ASH2L: variants seen among roughly 807,000 people sequenced by gnomAD.
The protein encoded by ASH2L is ASH2 like, histone lysine methyltransferase complex subunit.
In ASH2L, 30 loss-of-function variants were observed where a neutral mutation model predicts 81.1. The ratio of observed to expected loss-of-function variants is 0.37; its 90% CI spans 0.28 to 0.50. The LOEUF (loss-of-function observed/expected upper bound fraction) is 0.50. Among genes scored for constraint, ASH2L ranks in the 20% least tolerant of loss-of-function variants. ASH2L has a pLI of 0.95. For missense variants in ASH2L, 559 were observed against 792.1 expected, an observed-to-expected ratio of 0.71 and a Z score of 3.53; for synonymous variants, 273 against 279.9, an observed-to-expected ratio of 0.98 and a Z score of 0.24.
At chr8:38,109,104 C>T (rs938911528) in intron 3 of ASH2L, among the ~76,000 whole-genome samples, 1 of 152,018 alleles carries the variant, frequency 6.6e-6, no homozygotes, top group Non-Finnish European at 1.5e-5. Flanking sequence ...AAATAAAGCC[C>T]AGTTAGGTGG....
chr8:38,131,191 C>T (rs1315624216), intron 12 of ASH2L, among the ~76,000 whole-genome samples: 1 of 152,078 alleles, frequency 6.6e-6, no homozygotes, highest in Non-Finnish European at 1.5e-5. Context: ...TTGATTATAT[C>T]ACACTAGTGA....
intron 3 of ASH2L, among the ~76,000 whole-genome samples, chr8:38,109,528 T>C (rs1810595153): frequency 1.3e-5 from 2 of 152,250 alleles, no homozygotes; most frequent in South Asian, 4.1e-4. Context: ...CCTGTGCTTT[T>C]CCTGTCATCT....
chr8:38,109,016 A>G (rs1365039655), intron 3 of ASH2L, among the ~76,000 whole-genome samples: 1 of 152,158 alleles, frequency 6.6e-6, no homozygotes, highest in African/African-American at 2.4e-5. Flanking sequence ...CTGCAGGTTG[A>G]GGCTGCAGTG....
chr8:38,110,176 G>T (rs1444686648), intron 3 of ASH2L, among the ~76,000 whole-genome samples: 1 of 152,182 alleles, frequency 6.6e-6, no homozygotes, highest in African/African-American at 2.4e-5. Context: ...TGGGCATGGT[G>T]GCTAATGCCT....
At chr8:38,124,298 C>G (rs1301287609) in intron 10 of ASH2L, 1 of 146,248 alleles carries the variant, frequency 6.8e-6, no homozygotes, top group Admixed American at 6.9e-5. Flanking sequence ...CTTCGACTTC[C>G]TGGCTCAAGC....
chr8:38,107,112 A>G lies in ASH2L; in HGVS notation c.347A>G (p.Gln116Arg). The G allele has an allele frequency of 6.2e-7, 1 of 1,614,144 alleles. No individual in the cohort carries two copies. The highest frequency in any genetic ancestry group is 2.2e-5 in the East Asian group (1 of 44,860). ...NGRQLGEVELQCGICTKWFTA... is the reference protein window; with the variant it reads ...NGRQLGEVELRCGICTKWFTA... ...CGACAGTTGGGTGAGGTAGAGCTGC[A>G]ATGTGGGATTTGTACAAAATGGTTC... Residue 116 changes from glutamine to arginine, a missense_variant, in exon 3 of 16, where the codon CAA (glutamine) becomes CGA (arginine). Coordinates refer to ENST00000343823, the MANE Select transcript of ASH2L (RefSeq NM_004674.5).
chr8:38,107,017 A>G lies in ASH2L; in HGVS notation c.256-4A>G. The G allele has an allele frequency of 1.9e-6, 3 of 1,613,972 alleles. 1 individual carries two copies. The South Asian group carries it at 3.3e-5, about 18-fold the overall frequency. On this transcript the variant is annotated splice_region_variant and splice_polypyrimidine_tract_variant and intron_variant, in intron 2 of 15. Transcript: ENST00000343823. ...GATTTGAGTCTCGAACTGCTCTGAC[A>G]CAGGAAGGTGCTGGGGATACATCAG... is the stretch of plus-strand genomic sequence containing the variant.
chr8:38,105,711 A>G lies in ASH2L; in HGVS notation c.161A>G (p.Glu54Gly). ...GEGISAAPTV[E>G]PSSGEAEGGE... ...GGGATCTCTGCTGCTCCGACAGTTG[A>G]GCCCAGTTCCGGGGAGGCTGAAGGC... is the stretch of plus-strand genomic sequence containing the variant. Residue 54 changes from glutamate to glycine, a missense_variant, in exon 1 of 16, where the codon GAG (glutamate) becomes GGG (glycine). Transcript: ENST00000343823. 1 of 1,545,098 alleles carries G rather than the reference A, an allele frequency of 6.5e-7. No individual in the cohort carries two copies. The highest frequency in any genetic ancestry group is 8.7e-7 in the Non-Finnish European group (1 of 1,148,026).
Position 38,133,601 on chromosome 8 carries a change from A to G in ASH2L, c.1620+55A>G. 9 of 1,337,078 alleles carry G rather than the reference A, an allele frequency of 6.7e-6. No individual in the cohort carries two copies. The South Asian group carries it at 1.2e-4, about 17-fold the overall frequency. 82.8% of individuals were successfully genotyped at this position (1,337,078 alleles called of 1,614,324 possible). ...CATAAGGCCTTGAGCGTTAGGACCC[A>G]TTCCTTCATTATAAAAGTGAGGAAC... On this transcript the variant is annotated intron_variant, in intron 13 of 15. Transcript: ENST00000343823.
chr8:38,132,277 T>C (rs553979936), intron 12 of ASH2L, among the ~76,000 whole-genome samples: 1 of 152,338 alleles, frequency 6.6e-6, no homozygotes, highest in African/African-American at 2.4e-5. Context: ...AGACTCTCGT[T>C]TTATATGCTT....
intron 8 of ASH2L, 34 bp from the exon 9 acceptor site, chr8:38,119,236 G>T: frequency 6.5e-7 from 1 of 1,536,486 alleles, no homozygotes; most frequent in South Asian, 1.2e-5. Context: ...TTTCCCTTGT[G>T]GCTCATTGAA....
Position 38,116,673 on chromosome 8 carries a change from T to C in ASH2L, c.801T>C (p.Ala267=). ...AGGACCTTAGTAACATTGGTCCTGC[T>C]TATGACAACCAAAAACAGAGCAGTG... is the stretch of plus-strand genomic sequence containing the variant. ...LDQDLSNIGP[A]YDNQKQSSAV... Residue 267 remains alanine, a synonymous_variant, in exon 8 of 16, where the codon GCT becomes GCC. Transcript: ENST00000343823. 6.2e-7 allele frequency: 1 copy of C among 1,613,216 alleles called. No homozygotes were observed.
At chr8:38,115,114 A>G (rs1175799738) in intron 7 of ASH2L, 114 bp downstream of exon 7, 4 of 693,268 alleles carry the variant, frequency 5.8e-6, no homozygotes, top group Non-Finnish European at 2.6e-6. Flanking sequence ...TTATATGCAC[A>G]TAGCATGGTG....
chr8:38,133,063 G>A (rs1014089922), intron 12 of ASH2L, among the ~76,000 whole-genome samples: 8 of 151,744 alleles, frequency 5.3e-5, no homozygotes, highest in Non-Finnish European at 1.0e-4. Flanking sequence ...CTCCAGCCTG[G>A]GCAACAAGAG....
Position 38,139,157 on chromosome 8 carries a change from C to A in ASH2L, c.*86C>A. ...TTTTGAACTGTCTCAAATGTTCTCCCAAAGATGCTAAAAACACAGCCTCTC... is the reference window on the plus strand; with the variant it reads ...TTTTGAACTGTCTCAAATGTTCTCCAAAAGATGCTAAAAACACAGCCTCTC... On this transcript the variant is annotated 3_prime_UTR_variant, in exon 16 of 16. Coordinates refer to ENST00000343823, the MANE Select transcript of ASH2L (RefSeq NM_004674.5). The A allele has an allele frequency of 9.3e-7, 1 of 1,080,478 alleles. No homozygotes were observed. The highest frequency in any genetic ancestry group is 1.3e-6 in the Non-Finnish European group (1 of 766,776). 66.9% of individuals were successfully genotyped at this position (1,080,478 alleles called of 1,614,324 possible).
intron 10 of ASH2L, among the ~76,000 whole-genome samples, chr8:38,123,670 G>A (rs1801720845): frequency 6.6e-6 from 1 of 152,148 alleles, no homozygotes; most frequent in Non-Finnish European, 1.5e-5. Flanking sequence ...AGTCAGAGCT[G>A]TACAGAACGG....
chr8:38,107,904 G>GTGTGTA (rs398047186), intron 3 of ASH2L, among the ~76,000 whole-genome samples: 2 of 139,926 alleles, frequency 1.4e-5, no homozygotes, highest in Non-Finnish European at 3.0e-5. Context: ...GTGTGTGTGT[G>GTGTGTA]TATATGTATA....
chr8:38,105,562 A>G lies in ASH2L; in HGVS notation c.12A>G (p.Ala4=), dbSNP rs1263727689. Residue 4 remains alanine, a synonymous_variant, in exon 1 of 16, where the codon GCA becomes GCG. Transcript: ENST00000343823. MAA[A]GAGPGQEAGA... Reference sequence around the variant, plus strand: ...CAGGGGTGGCCGTGATGGCGGCGGCAGGAGCAGGACCTGGCCAGGAAGCGG... The same window carrying G: ...CAGGGGTGGCCGTGATGGCGGCGGCGGGAGCAGGACCTGGCCAGGAAGCGG... The G allele has an allele frequency of 1.3e-6, 2 of 1,572,268 alleles. No individual in the cohort carries two copies. Among genetic ancestry groups the G allele is most frequent in the Non-Finnish European group, 1.7e-6 (2 of 1,157,772 alleles).
rs146282482 is a variant in ASH2L at position 38,105,590 on chromosome 8, G to A, written c.40G>A (p.Ala14Thr). ...AGAGPGQEAGAGPGPGAVANA... is the reference protein window; with the variant it reads ...AGAGPGQEAGTGPGPGAVANA... Reference sequence around the variant, plus strand: ...AGCAGGACCTGGCCAGGAAGCGGGTGCCGGGCCTGGCCCAGGAGCGGTCGC... The same window carrying A: ...AGCAGGACCTGGCCAGGAAGCGGGTACCGGGCCTGGCCCAGGAGCGGTCGC... The change falls in exon 1 of 16, where the codon GCC (alanine) becomes ACC (threonine). Residue 14 changes from alanine (A) to threonine (T), a missense_variant. Around this residue, in one of 4 missense-constraint regions of ASH2L, gnomAD observed 145 missense variants for 115.5 expected, o/e 1.26. Coordinates refer to ENST00000343823, the MANE Select transcript of ASH2L (RefSeq NM_004674.5). 2.6e-5 allele frequency: 41 copies of A among 1,593,008 alleles called. No individual in the cohort carries two copies. In the African/African-American group the frequency reaches 4.6e-4, roughly 18 times the overall value.
Sources: allele counts gnomAD v4.1 joint callset (sites outside exome capture counted in the v4.1 genomes callset), GRCh38; gene constraint gnomAD v4.1.1; regional missense constraint gnomAD v4.1.1; transcripts MANE v1.5; gene names NCBI Gene and HGNC (gene_info 2026-07-23, HGNC 2026-07-21).